The following HSPG2 variants were observed in gnomAD, a reference collection of about 807,000 sequenced individuals.
HSPG2 encodes the protein basement membrane-specific heparan sulfate proteoglycan core protein.
Under a neutral mutation model 526.6 loss-of-function variants are expected in HSPG2, and 278 were observed. That is an observed-to-expected ratio of 0.53 (90% CI 0.48 to 0.58). The LOEUF (loss-of-function observed/expected upper bound fraction) is 0.58. Among genes scored for constraint, HSPG2 ranks in the 20% least tolerant of loss-of-function variants. The pLI, the probability that HSPG2 is intolerant of heterozygous loss-of-function variation, is 0.00. For missense variants in HSPG2, 5,354 were observed against 6,099.5 expected (o/e 0.88, Z 4.07); for synonymous variants, 2,465 against 2,555.4 (o/e 0.96, Z 1.07).
At chr1:21,910,762 G>C (rs530726895) in intron 1 of HSPG2, among the ~76,000 whole-genome samples, 2 of 152,116 alleles carry the variant, frequency 1.3e-5, no homozygotes, top group Non-Finnish European at 2.9e-5. Context: ...TAATACCCTC[G>C]ATGGTAACGT....
intron 74 of HSPG2, among the ~76,000 whole-genome samples, chr1:21,837,926 A>G (rs1410909545): frequency 6.6e-6 from 1 of 152,016 alleles, no homozygotes; most frequent in Non-Finnish European, 1.5e-5. Flanking sequence ...ACATGAGGTC[A>G]GGAGTTCGAG....
chr1:21,908,964 C>T (rs1572428095), intron 1 of HSPG2, among the ~76,000 whole-genome samples: 1 of 152,142 alleles, frequency 6.6e-6, no homozygotes, highest in Middle Eastern at 3.2e-3. Flanking sequence ...AAAAATTAGC[C>T]GGGCATGGTG....
Position 21,841,251 on chromosome 1 carries a change from G to A in HSPG2, c.9363C>T (p.Pro3121=), listed in dbSNP as rs1425796272. Residue 3121 remains proline, a synonymous_variant, in exon 71 of 97, where the codon CCC becomes CCT. Transcript: ENST00000374695. Reference sequence around the variant, plus strand: ...CAGCCTTTCCCACTTTCACCCACACGGGGCCCTCGGGGAGCACGGACACTG... The same window carrying A: ...CAGCCTTTCCCACTTTCACCCACACAGGGCCCTCGGGGAGCACGGACACTG... ...PPTVSVLPEG[P]VWVKVGKAVT... The A allele has an allele frequency of 9.9e-6, 16 of 1,613,836 alleles. No homozygotes were observed. The highest frequency in any genetic ancestry group is 6.7e-5 in the Admixed American group (4 of 60,028).
chr1:21,825,816 C>T (rs1010137078), intron 91 of HSPG2, among the ~76,000 whole-genome samples: 2 of 152,166 alleles, frequency 1.3e-5, no homozygotes, highest in South Asian at 2.1e-4. Context: ...GATGGAGTCT[C>T]GCTCCGTGGC....
At chr1:21,827,716 C>T (rs2097982538) in intron 91 of HSPG2, 147 bp downstream of exon 91, 1 of 931,792 alleles carries the variant, frequency 1.1e-6, no homozygotes, top group African/African-American at 1.6e-5. Flanking sequence ...GCCCTAGCTC[C>T]ACATGGCTGT....
chr1:21,887,333 G>A lies in HSPG2; in HGVS notation c.960C>T (p.Gly320=), dbSNP rs886046046. The A allele has an allele frequency of 1.2e-6, 2 of 1,614,004 alleles. No homozygotes were observed. Among genetic ancestry groups the A allele is most frequent in the Admixed American group, 3.3e-5 (2 of 60,016 alleles). The change falls in exon 9 of 97, where the codon GGC becomes GGT. Residue 320 remains glycine, a splice_region_variant and synonymous_variant. Coordinates refer to ENST00000374695, the MANE Select transcript of HSPG2 (RefSeq NM_005529.7). This position sits in a 1 kb window ranked among gnomAD's most constrained non-coding sequence, Gnocchi z 5.0. ...CEDGSDELDC[G]PPPPCEPNEF... ...CGTTGGGCTCACAGGGTGGCGGGGG[G>A]CCTAGGAGACCGGGCAGGGGTCAGC...
Position 21,848,789 on chromosome 1 carries a change from C to G in HSPG2, c.7591G>C (p.Gly2531Arg). Reference protein sequence around the residue: ...QQRLSGSHSQGVAYPVRIESS... With the variant: ...QQRLSGSHSQRVAYPVRIESS... ...TCGATGCGGACGGGGTACGCCACAC[C>G]CTGGGCTGGGAGGGTGAGATGTAAG... Residue 2531 changes from glycine (G) to arginine (R), a missense_variant, in exon 59 of 97, where the codon GGT becomes CGT. Physicochemically the swap from Gly to Arg is moderately radical, Grantham distance 125. Transcript: ENST00000374695. This position sits in a 1 kb window ranked among gnomAD's most constrained non-coding sequence, Gnocchi z 4.9. 1 of 1,613,574 alleles carries G rather than the reference C, an allele frequency of 6.2e-7. No homozygotes were observed. The highest frequency in any genetic ancestry group is 8.5e-7 in the Non-Finnish European group (1 of 1,179,944).
Position 21,895,938 on chromosome 1 carries a change from GCTGCCCAGGTCCCCA to G in HSPG2, c.213_227del (p.Leu74_Asp78del). On this transcript the variant is annotated inframe_deletion, in exon 3 of 97. Coordinates refer to ENST00000374695, the MANE Select transcript of HSPG2 (RefSeq NM_005529.7). This position sits in a 1 kb window ranked among gnomAD's most constrained non-coding sequence, Gnocchi z 4.1. Reference sequence around the variant, plus strand: ...GCAACTTACCCATCTGGAAGTCCCCGCTGCCCAGGTCCCCACTGCCCAGGTCGTCTATAAGCAAAA... The same window carrying G: ...GCAACTTACCCATCTGGAAGTCCCCGCTGCCCAGGTCGTCTATAAGCAAAA... 3 of 1,613,988 alleles carry G rather than the reference GCTGCCCAGGTCCCCA, an allele frequency of 1.9e-6. No homozygotes were observed. The highest frequency in any genetic ancestry group is 1.1e-5 in the South Asian group (1 of 91,058).
intron 33 of HSPG2, chr1:21,868,888 G>T: frequency 1.0e-6 from 1 of 968,222 alleles, no homozygotes. Context: ...TTGTTACCTT[G>T]TCCCCCAGGA....
Position 21,864,143 on chromosome 1 carries a change from T to C in HSPG2, c.4697A>G (p.Asn1566Ser), listed in dbSNP as rs1385473791. 6 of 1,557,372 alleles carry C rather than the reference T, an allele frequency of 3.9e-6. No individual in the cohort carries two copies. The highest frequency in any genetic ancestry group is 3.8e-5 in the Admixed American group (2 of 52,128). Residue 1566 changes from asparagine (N) to serine (S), a missense_variant, in exon 37 of 97, where the codon AAT (asparagine) becomes AGT (serine). Physicochemically the swap from Asn to Ser is conservative, Grantham distance 46. Transcript: ENST00000374695. This position sits in a 1 kb window ranked among gnomAD's most constrained non-coding sequence, Gnocchi z 4.8. ...YLGHCELCEC[N>S]GHSDLCHPET... ...TGGGTGGCACAGGTCTGAGTGGCCA[T>C]TGCATTCACATAGCTCGCAGTGGCC...
At chr1:21,845,815 A>G (rs1294672182) in intron 64 of HSPG2, among the ~76,000 whole-genome samples, 2 of 152,210 alleles carry the variant, frequency 1.3e-5, no homozygotes, top group African/African-American at 2.4e-5. Flanking sequence ...ACAGGTGGAA[A>G]GCTGAGGTCC....
intron 1 of HSPG2, among the ~76,000 whole-genome samples, chr1:21,897,252 C>T (rs894873060): frequency 6.6e-6 from 1 of 152,208 alleles, no homozygotes; most frequent in Non-Finnish European, 1.5e-5. Flanking sequence ...ATGGCTGGAC[C>T]CCAGATTCCA....
chr1:21,931,649 T>C (rs1373459863), intron 1 of HSPG2, among the ~76,000 whole-genome samples: 1 of 152,134 alleles, frequency 6.6e-6, no homozygotes, highest in African/African-American at 2.4e-5. Flanking sequence ...ACCCTTCCCA[T>C]ATACCCCAAG....
At chr1:21,860,319 C>A (rs1280601454) in intron 39 of HSPG2, 84 bp from the exon 40 acceptor site, 1 of 1,298,130 alleles carries the variant, frequency 7.7e-7, no homozygotes, top group Non-Finnish European at 1.1e-6. Flanking sequence ...AGAAGCTCAG[C>A]AGGCCACCCA....
rs1642918063 is a variant in HSPG2, at chr1:21,898,719, G to A, written c.64-2409C>T. Among the ~76,000 whole-genome samples, 1 of 152,232 alleles carries A rather than the reference G, an allele frequency of 6.6e-6. No individual in the cohort carries two copies. The highest frequency in any genetic ancestry group is 1.5e-5 in the Non-Finnish European group (1 of 68,046). ...AGGCTGGGGCTGGTGCAGGGGCACT[G>A]ACTCTGGTTAGAGGAGATTTGAGGG... On this transcript the variant is annotated intron_variant, in intron 1 of 96. Coordinates refer to ENST00000374695, the MANE Select transcript of HSPG2 (RefSeq NM_005529.7). This position sits in a 1 kb window ranked among gnomAD's most constrained non-coding sequence, Gnocchi z 4.0.
At position 21,850,217 on chromosome 1, in the gene HSPG2, A is replaced by G. The variant is rs373263232; in HGVS notation, c.7295-25T>C. 9.9e-6 allele frequency: 16 copies of G among 1,613,184 alleles called. No homozygotes were observed. In the African/African-American group the frequency reaches 2.0e-4, roughly 20 times the overall value. On this transcript the variant is annotated intron_variant, in intron 56 of 96. Coordinates refer to ENST00000374695, the MANE Select transcript of HSPG2 (RefSeq NM_005529.7). The stretch of plus-strand genomic sequence containing the variant: ...GCTGGGGACAGAGGGCAAAGGGTCA[A>G]TAGCCGGCTAGGAGGTGAGATGAGA...
intron 91 of HSPG2, among the ~76,000 whole-genome samples, chr1:21,827,359 T>C (rs1055527566): frequency 6.6e-6 from 1 of 152,160 alleles, no homozygotes; most frequent in African/African-American, 2.4e-5. Flanking sequence ...GAGCTAGGAT[T>C]TGAACCCAAG....
At position 21,880,193 on chromosome 1, in the gene HSPG2, G is replaced by A. The variant is rs1347601746; in HGVS notation, c.2257C>T (p.Pro753Ser). 1.2e-6 allele frequency: 2 copies of A among 1,614,016 alleles called. No individual in the cohort carries two copies. The highest frequency in any genetic ancestry group is 2.7e-5 in the African/African-American group (2 of 74,952). ...CAGGTGCCCAGGTAGGGCCCACCAGGCACCCGAGTGAAGTGGGCATCACAG... is the reference window on the plus strand; with the variant it reads ...CAGGTGCCCAGGTAGGGCCCACCAGACACCCGAGTGAAGTGGGCATCACAG... ...ESCDAHFTRV[P>S]GGPYLGTCSG... is the part of the protein sequence containing the mutation. The change falls in exon 17 of 97, where the codon CCT (proline) becomes TCT (serine). Residue 753 changes from proline to serine, a missense_variant. Transcript: ENST00000374695.
At chr1:21,840,417 T>C (rs2098043997) in intron 71 of HSPG2, among the ~76,000 whole-genome samples, 1 of 152,186 alleles carries the variant, frequency 6.6e-6, no homozygotes, top group South Asian at 2.1e-4. Flanking sequence ...ATCATTCTCC[T>C]GCCTCAGCCT....
Sources: gnomAD v4.1 joint callset for allele counts (sites outside exome capture counted in the v4.1 genomes callset) on GRCh38, gnomAD v4.1.1 for gene constraint, Gnocchi (gnomAD v3.1) non-coding constraint, MANE v1.5 for transcripts, NCBI Gene and HGNC (gene_info 2026-07-23, HGNC 2026-07-21) for gene names.